WWOX: variants seen among roughly 807,000 people sequenced by gnomAD.
WWOX encodes WW domain-containing oxidoreductase.
A neutral mutation model predicts 46.2 loss-of-function variants in WWOX; 69 were observed. The ratio of observed to expected loss-of-function variants is 1.49; its 90% CI spans 1.23 to 1.82. The LOEUF (loss-of-function observed/expected upper bound fraction) is 1.82. Among genes scored for constraint, WWOX ranks in the 40% most tolerant of loss-of-function variants. WWOX has a pLI of 0.00. For synonymous variants in WWOX, 359 were observed against 202.6 expected (o/e 1.77, Z -6.56); for missense variants, 919 against 542.6 (o/e 1.69, Z -6.89).
chr16:78,403,661 CT>C (rs1048795382), intron 6 of WWOX, among the ~76,000 whole-genome samples: 18 of 152,222 alleles, frequency 1.2e-4, no homozygotes, highest in African/African-American at 2.7e-4. Flanking sequence ...GTCATCCCCC[CT>C]GTGCCAGGCC....
At position 78,887,404 on chromosome 16, in the gene WWOX, G is replaced by A. The variant is rs537910001; in HGVS notation, c.1057-324204G>A. On this transcript the variant is annotated intron_variant, in intron 8 of 8. Transcript: ENST00000566780. Reference sequence around the variant, plus strand: ...CAGTGCATTCGCTTCCAAGGCACCTGTTTGATATTTACACAAATTATGAAA... The same window carrying A: ...CAGTGCATTCGCTTCCAAGGCACCTATTTGATATTTACACAAATTATGAAA... Among the ~76,000 whole-genome samples, 6 of 151,040 alleles carry A rather than the reference G, an allele frequency of 4.0e-5. 1 individual carries two copies. In the East Asian group the frequency reaches 1.2e-3, roughly 30 times the overall value.
At chr16:78,506,895 G>A (rs76497355) in intron 8 of WWOX, among the ~76,000 whole-genome samples, 2 of 151,932 alleles carry the variant, frequency 1.3e-5, no homozygotes, top group East Asian at 3.9e-4. Context: ...TGTATTTTTA[G>A]TAGAGACGGG....
intron 8 of WWOX, among the ~76,000 whole-genome samples, chr16:78,864,578 G>A (rs189701353): frequency 2.6e-5 from 4 of 151,742 alleles, no homozygotes; most frequent in Admixed American, 6.6e-5. Context: ...CCTGGATTTG[G>A]CTTTTTGAAA....
chr16:78,374,956 G>C (rs2081785508), intron 5 of WWOX, among the ~76,000 whole-genome samples: 1 of 152,178 alleles, frequency 6.6e-6, no homozygotes, highest in Non-Finnish European at 1.5e-5. Flanking sequence ...AAAGTGCTGG[G>C]ATAACAGGCG....
At chr16:79,165,865 T>A (rs1039944676) in intron 8 of WWOX, among the ~76,000 whole-genome samples, 3 of 152,228 alleles carry the variant, frequency 2.0e-5, no homozygotes, top group Admixed American at 2.0e-4. Context: ...TAACTCAGTC[T>A]AAGCACCCGT....
At chr16:78,317,313 C>G (rs1287962505) in intron 5 of WWOX, among the ~76,000 whole-genome samples, 1 of 152,192 alleles carries the variant, frequency 6.6e-6, no homozygotes, top group East Asian at 1.9e-4. Flanking sequence ...TTCTGTCTCT[C>G]TCACTCACAT....
intron 8 of WWOX, among the ~76,000 whole-genome samples, chr16:79,055,293 TA>T (rs747496278): frequency 2.6e-5 from 4 of 152,224 alleles, no homozygotes; most frequent in Non-Finnish European, 5.9e-5. Context: ...CACATTGTGA[TA>T]AAGATGAATA....
At chr16:78,646,908 C>CAACT (rs2142131505) in intron 8 of WWOX, among the ~76,000 whole-genome samples, 1 of 152,240 alleles carries the variant, frequency 6.6e-6, no homozygotes, top group Admixed American at 6.5e-5. Context: ...AAGTCTCACC[C>CAACT]AACTAGCTGA....
chr16:78,928,959 C>T (rs1194328468), intron 8 of WWOX, among the ~76,000 whole-genome samples: 1 of 152,188 alleles, frequency 6.6e-6, no homozygotes, highest in Non-Finnish European at 1.5e-5. Context: ...GCTTGTTAAA[C>T]TTTACATGTA....
At chr16:78,735,755 ATGT>A (rs1359050949) in intron 8 of WWOX, among the ~76,000 whole-genome samples, 3 of 151,610 alleles carry the variant, frequency 2.0e-5, no homozygotes, top group African/African-American at 7.3e-5. Context: ...TAACTTTAGA[ATGT>A]TGTTGACTGA....
At chr16:78,613,009 A>G (rs2045936033) in intron 8 of WWOX, among the ~76,000 whole-genome samples, 1 of 152,112 alleles carries the variant, frequency 6.6e-6, no homozygotes, top group Non-Finnish European at 1.5e-5. Flanking sequence ...CCTTCTCAGA[A>G]CACCACTCAG....
At chr16:78,461,359 G>C (rs185030733) in intron 8 of WWOX, among the ~76,000 whole-genome samples, 1 of 151,908 alleles carries the variant, frequency 6.6e-6, no homozygotes, top group East Asian at 1.9e-4. Context: ...AGAAAGGAAA[G>C]GGAGAAAAAA....
At chr16:78,983,490 T>C (rs931652220) in intron 8 of WWOX, among the ~76,000 whole-genome samples, 2 of 152,194 alleles carry the variant, frequency 1.3e-5, no homozygotes. Flanking sequence ...ACCATCATGC[T>C]ATGAAAAGAG....
chr16:79,200,853 C>G (rs561226077), intron 8 of WWOX, among the ~76,000 whole-genome samples: 2 of 152,140 alleles, frequency 1.3e-5, no homozygotes, highest in Non-Finnish European at 2.9e-5. Flanking sequence ...AGGCGAGTCT[C>G]TATACGGCAG....
At position 78,859,027 on chromosome 16, in the gene WWOX, A is replaced by AAAT. The variant is rs1555551610; in HGVS notation, c.1057-352580_1057-352579insATA. On this transcript the variant is annotated intron_variant, in intron 8 of 8. Transcript: ENST00000566780. ...AAAAAAAAAAAAAAAAAAAAAAAAA[A>AAAT]ATATATATATATATATATATATGTA... Among the ~76,000 whole-genome samples the AAAT allele has an allele frequency of 1.7e-3, 40 of 23,672 alleles. 2 individuals are homozygous for AAAT. The highest frequency in any genetic ancestry group is 5.7e-3 in the African/African-American group (32 of 5,598). The allele number at this position is 23,672 out of a possible 152,430, so 15.5% of individuals were successfully genotyped here. A position where few individuals can be genotyped will look rare whatever the true frequency, so the allele number is the denominator to read the frequency against.
At chr16:78,455,502 G>A (rs1418167401) in intron 8 of WWOX, among the ~76,000 whole-genome samples, 1 of 151,876 alleles carries the variant, frequency 6.6e-6, no homozygotes, top group Non-Finnish European at 1.5e-5. Flanking sequence ...TTAGCTGGGT[G>A]TGTGGTAGTG....
At chr16:78,261,788 C>CTATATATATATA (rs71384369) in intron 5 of WWOX, among the ~76,000 whole-genome samples, 17 of 73,740 alleles carry the variant, frequency 2.3e-4, no homozygotes, top group Non-Finnish European at 3.6e-4. Flanking sequence ...ATCTATCTAT[C>CTATATATATATA]TATATATATA....
Position 79,200,171 on chromosome 16 carries a change from T to C in WWOX, c.1057-11437T>C, listed in dbSNP as rs1334939146. 2.6e-5 allele frequency among the ~76,000 whole-genome samples: 4 copies of C among 152,090 alleles called. 1 individual carries two copies. Among genetic ancestry groups the C allele is most frequent in the Non-Finnish European group, 4.4e-5 (3 of 68,016 alleles). Reference sequence around the variant, plus strand: ...CTGGTCTGTACTGTTCAAAATCACATGACATCCGCCAGAGGCCTGGTGGGA... The same window carrying C: ...CTGGTCTGTACTGTTCAAAATCACACGACATCCGCCAGAGGCCTGGTGGGA... On this transcript the variant is annotated intron_variant, in intron 8 of 8. Transcript: ENST00000566780.
chr16:78,952,735 C>G (rs762857291), intron 8 of WWOX, among the ~76,000 whole-genome samples: 2 of 152,120 alleles, frequency 1.3e-5, no homozygotes, highest in African/African-American at 2.4e-5. Context: ...ACAGTACGCT[C>G]CGTAGGGCAT....
Sources: allele counts gnomAD v4.1 joint callset (sites outside exome capture counted in the v4.1 genomes callset), GRCh38; gene constraint gnomAD v4.1.1; transcripts MANE v1.5; gene names NCBI Gene and HGNC (gene_info 2026-07-23, HGNC 2026-07-21).